Variants in FAM13A observed in about 807,000 individuals in gnomAD.
FAM13A encodes family with sequence similarity 13 member A.
Under a neutral mutation model 129.6 loss-of-function variants are expected in FAM13A, and 76 were observed. That is an observed-to-expected ratio of 0.59 (90% confidence interval 0.49 to 0.71). The LOEUF (loss-of-function observed/expected upper bound fraction) is 0.71, where lower values mean the gene tolerates loss of function less well. Ranked by LOEUF, FAM13A falls within the 30% of genes least tolerant of loss-of-function variation. The pLI is 0.00. For missense variants in FAM13A, 1,108 were observed against 1,249.3 expected, an observed-to-expected ratio of 0.89 and a Z score of 1.70; for synonymous variants, 443 against 449.9, an observed-to-expected ratio of 0.98 and a Z score of 0.20.
intron 6 of FAM13A, among the ~76,000 whole-genome samples, chr4:88,859,843 G>A (rs1739190393): frequency 6.6e-6 from 1 of 152,118 alleles, no homozygotes; most frequent in Admixed American, 6.5e-5. Flanking sequence ...GTAATAGCTT[G>A]TTTCCACATG....
intron 7 of FAM13A, among the ~76,000 whole-genome samples, chr4:88,834,343 TC>T (rs1284416485): frequency 1.3e-5 from 2 of 152,142 alleles, no homozygotes; most frequent in Non-Finnish European, 2.9e-5. Flanking sequence ...AATCTTTTTT[TC>T]CTCATTGAAT....
In FAM13A at chr4:88,885,075, C is replaced by A. The variant is rs537019004; in HGVS notation, c.843+21304G>T. Among the ~76,000 whole-genome samples the A allele has an allele frequency of 5.1e-4, 78 of 152,112 alleles. 1 individual carries two copies. In the South Asian group the frequency reaches 0.016, roughly 32 times the overall value. On this transcript the variant is annotated intron_variant, in intron 6 of 23. Coordinates refer to ENST00000264344, the MANE Select transcript of FAM13A (RefSeq NM_014883.4). ...CAATATTGTGAAAATGACCATACTG[C>A]CAAAAGCAATCTACAAATTCAATGT...
chr4:88,753,049 AGTTT>A, intron 14 of FAM13A, among the ~76,000 whole-genome samples: 4 of 152,338 alleles, frequency 2.6e-5, no homozygotes, highest in Admixed American at 2.6e-4. Context: ...TGTGCTGGTT[AGTTT>A]GACATTTCTA....
At chr4:88,854,096 C>T (rs1004277559) in intron 6 of FAM13A, among the ~76,000 whole-genome samples, 7 of 152,266 alleles carry the variant, frequency 4.6e-5, no homozygotes, top group Middle Eastern at 3.4e-3. Context: ...ACCTTGTGAT[C>T]GTGTGAGTCA....
At chr4:88,884,129 G>C (rs1391238291) in intron 6 of FAM13A, among the ~76,000 whole-genome samples, 1 of 152,042 alleles carries the variant, frequency 6.6e-6, no homozygotes, top group Admixed American at 6.6e-5. Context: ...ACAAGATAGA[G>C]AAGGAAGGAA....
At chr4:88,893,190 T>C (rs1745655166) in intron 6 of FAM13A, among the ~76,000 whole-genome samples, 1 of 152,200 alleles carries the variant, frequency 6.6e-6, no homozygotes, top group Non-Finnish European at 1.5e-5. Flanking sequence ...AGTTTACAAA[T>C]TAAACCCCAA....
At chr4:89,023,178 G>A (rs913697693) in intron 2 of FAM13A, among the ~76,000 whole-genome samples, 1 of 152,214 alleles carries the variant, frequency 6.6e-6, no homozygotes, top group Non-Finnish European at 1.5e-5. Context: ...ATTGGGAGAT[G>A]CCAGCTTAAT....
At chr4:89,041,498 G>A (rs937505520) in intron 1 of FAM13A, among the ~76,000 whole-genome samples, 4 of 152,152 alleles carry the variant, frequency 2.6e-5, no homozygotes, top group Middle Eastern at 3.2e-3. Context: ...CAAGCTTAGC[G>A]TTCCAATAAT....
chr4:89,048,978 T>C (rs1771213251), intron 1 of FAM13A, among the ~76,000 whole-genome samples: 1 of 152,220 alleles, frequency 6.6e-6, no homozygotes, highest in South Asian at 2.1e-4. Flanking sequence ...AACCATATTG[T>C]AGGAGGTCAC....
chr4:88,998,287 C>T (rs1194285427), intron 3 of FAM13A, among the ~76,000 whole-genome samples: 1 of 152,104 alleles, frequency 6.6e-6, no homozygotes, highest in Admixed American at 6.6e-5. Flanking sequence ...TAGTAGTTCC[C>T]CATTTGGAGA....
intron 4 of FAM13A, among the ~76,000 whole-genome samples, chr4:88,978,345 A>G (rs1327218166): frequency 2.0e-5 from 3 of 152,378 alleles, no homozygotes; most frequent in South Asian, 2.1e-4. Context: ...ATAGATAACT[A>G]AAGATACACT....
At chr4:88,931,009 A>T (rs1752950283) in intron 5 of FAM13A, among the ~76,000 whole-genome samples, 1 of 152,284 alleles carries the variant, frequency 6.6e-6, no homozygotes, top group South Asian at 2.1e-4. Flanking sequence ...TAAACTCTCA[A>T]AATGGTGCCT....
At chr4:88,975,886 G>A (rs1007325929) in intron 4 of FAM13A, among the ~76,000 whole-genome samples, 1 of 152,184 alleles carries the variant, frequency 6.6e-6, no homozygotes, top group African/African-American at 2.4e-5. Context: ...TGCTCTAAAG[G>A]ACAAAACACC....
chr4:89,045,016 T>C (rs533063039), intron 1 of FAM13A, among the ~76,000 whole-genome samples: 26 of 152,258 alleles, frequency 1.7e-4, no homozygotes, highest in African/African-American at 6.3e-4. Flanking sequence ...ATGCACAACA[T>C]TGTGAATATG....
At chr4:88,818,696 C>G (rs769868136) in intron 7 of FAM13A, among the ~76,000 whole-genome samples, 13 of 152,162 alleles carry the variant, frequency 8.5e-5, no homozygotes, top group Admixed American at 2.6e-4. Context: ...GGCACTGGCC[C>G]AGATTTAAAG....
intron 22 of FAM13A, 187 bp downstream of exon 22, chr4:88,731,815 C>A: frequency 1.8e-6 from 1 of 543,992 alleles, no homozygotes; most frequent in Non-Finnish European, 3.2e-6. Flanking sequence ...TCAAAAGTTC[C>A]CTCAAATAAC....
intron 6 of FAM13A, among the ~76,000 whole-genome samples, chr4:88,857,260 T>C (rs1458661946): frequency 6.6e-6 from 1 of 152,216 alleles, no homozygotes; most frequent in Non-Finnish European, 1.5e-5. Context: ...GTCTGTATTT[T>C]AGCATAACTC....
chr4:88,867,291 G>GAT lies in FAM13A; in HGVS notation c.844-16109_844-16108insAT, dbSNP rs1740615850. The stretch of plus-strand genomic sequence containing the variant: ...ACACCTGTCCTCCACTTATCCTCCG[G>GAT]AAGTCACATCACAGCCTTCTTGTGC... On this transcript the variant is annotated intron_variant, in intron 6 of 23. Coordinates refer to ENST00000264344, the MANE Select transcript of FAM13A (RefSeq NM_014883.4). Among the ~76,000 whole-genome samples, 4 of 152,234 alleles carry GAT rather than the reference G, an allele frequency of 2.6e-5. No homozygotes were observed. In the South Asian group the frequency reaches 8.3e-4, roughly 32 times the overall value.
chr4:89,056,869 C>T, intron 1 of FAM13A, 69 bp downstream of exon 1: 1 of 1,447,542 alleles, frequency 6.9e-7, no homozygotes, highest in Non-Finnish European at 9.5e-7. Context: ...CTCATCAAAA[C>T]AAGGAAGGCA....
Sources: gnomAD v4.1 joint callset for allele counts (sites outside exome capture counted in the v4.1 genomes callset) on GRCh38, gnomAD v4.1.1 for gene constraint, MANE v1.5 for transcripts, NCBI Gene and HGNC (gene_info 2026-07-23, HGNC 2026-07-21) for gene names.